The following PUDP variants were observed in gnomAD, a reference collection of about 807,000 sequenced individuals.
The protein encoded by PUDP is pseudouridine 5'-phosphatase.
PUDP carries 8 observed loss-of-function variants against 9.4 expected under a neutral mutation model. The ratio of observed to expected loss-of-function variants is 0.85; its 90% CI spans 0.50 to 1.53. The LOEUF is 1.53. Among genes scored for constraint, PUDP ranks in the 40% most tolerant of loss-of-function variants. The pLI is 0.00. For missense variants in PUDP, 188 were observed against 189.7 expected (o/e 0.99, Z 0.05); for synonymous variants, 99 against 80.7 (o/e 1.23, Z -1.22).
intron 3 of PUDP, among the ~76,000 whole-genome samples, chrX:6,765,237 G>A (rs1377151569): frequency 1.8e-5 from 2 of 111,279 alleles, no homozygotes; most frequent in Admixed American, 9.6e-5. Flanking sequence ...CCAACATCAC[G>A]CCACTACCCT....
intron 1 of PUDP, among the ~76,000 whole-genome samples, chrX:6,983,445 A>T (rs964746638): frequency 9.0e-6 from 1 of 111,664 alleles, no homozygotes; most frequent in African/African-American, 3.3e-5. Flanking sequence ...CATGAAAAAA[A>T]ATCTCAAAAT....
chrX:6,922,135 G>C (rs966973383), intron 3 of PUDP, among the ~76,000 whole-genome samples: 6 of 110,796 alleles, frequency 5.4e-5, no homozygotes, highest in African/African-American at 2.0e-4. Context: ...GGGGCAAGTG[G>C]GGATGGTTAA....
chrX:7,128,388 G>A (rs149813612), intron 1 of PUDP, among the ~76,000 whole-genome samples: 2 of 111,843 alleles, frequency 1.8e-5, no homozygotes, highest in Non-Finnish European at 3.8e-5. Context: ...TAAAAGCTTA[G>A]GGAAAAGAAA....
At chrX:7,057,533 G>A in intron 3 of PUDP, 3 of 735,863 alleles carry the variant, frequency 4.1e-6, no homozygotes, top group Non-Finnish European at 5.7e-6. Flanking sequence ...GGGATGTTAA[G>A]CCTGATGGAG....
intron 3 of PUDP, among the ~76,000 whole-genome samples, chrX:6,889,885 G>A (rs372113860): frequency 5.4e-5 from 6 of 111,340 alleles, no homozygotes; most frequent in Admixed American, 1.9e-4. Flanking sequence ...GGGCTGTGAG[G>A]AAACAGGTAG....
At chrX:6,728,382 A>ACACG (rs1349175879) in intron 3 of PUDP, among the ~76,000 whole-genome samples, 1 of 111,338 alleles carries the variant, frequency 9.0e-6, no homozygotes, top group Non-Finnish European at 1.9e-5. Flanking sequence ...ACACACACAC[A>ACACG]CACGCACACT....
intron 3 of PUDP, among the ~76,000 whole-genome samples, chrX:6,817,534 A>G (rs1451132216): frequency 8.9e-6 from 1 of 112,092 alleles, no homozygotes; most frequent in East Asian, 2.8e-4. Context: ...TGGGTTCTCC[A>G]TTTCAAGAAG....
At chrX:6,854,790 AGGAGGAAGAAAAGG>A (rs1040834081) in intron 3 of PUDP, among the ~76,000 whole-genome samples, 10 of 109,400 alleles carry the variant, frequency 9.1e-5, no homozygotes, top group Non-Finnish European at 1.1e-4. Context: ...GCTGAAGAGG[AGGAGGAAGAAAAGG>A]GGTTAGTCTT....
chrX:6,949,504 A>G (rs1172813264), intron 3 of PUDP, among the ~76,000 whole-genome samples: 1 of 111,933 alleles, frequency 8.9e-6, no homozygotes, highest in African/African-American at 3.3e-5. Context: ...GAGACTATTC[A>G]GCAACCATGT....
chrX:7,022,806 C>T (rs1482259465), intron 1 of PUDP, among the ~76,000 whole-genome samples: 1 of 111,758 alleles, frequency 8.9e-6, no homozygotes, highest in East Asian at 2.8e-4. Context: ...ACTCTCGTAC[C>T]TGAAACAACC....
intron 3 of PUDP, among the ~76,000 whole-genome samples, chrX:6,816,996 A>G (rs1004297008): frequency 1.0e-5 from 1 of 99,195 alleles, no homozygotes; most frequent in African/African-American, 3.7e-5. Flanking sequence ...ACTATATAGT[A>G]TATATAATAT....
rs151076070 is a variant in PUDP at position 7,083,762 on chromosome X, G to A, written c.281-6313C>T. Among the ~76,000 whole-genome samples the A allele has an allele frequency of 4.7e-3, 515 of 110,009 alleles. 1 individual carries two copies. Among genetic ancestry groups the A allele is most frequent in the African/African-American group, 0.015 (442 of 30,127 alleles). ...CTAAAAACACAAAAATTAGCCAGGC[G>A]TGGAGGCACATGCTTGTAATCCCAG... On this transcript the variant is annotated intron_variant, in intron 2 of 3. Coordinates refer to ENST00000381077, the MANE Select transcript of PUDP (RefSeq NM_012080.5).
chrX:6,840,171 T>A (rs1311603848), intron 3 of PUDP, among the ~76,000 whole-genome samples: 1 of 111,431 alleles, frequency 9.0e-6, no homozygotes, highest in Non-Finnish European at 1.9e-5. Context: ...TTACATGAGG[T>A]TTTCCCCTTT....
At chrX:6,824,279 T>C (rs182376192) in intron 3 of PUDP, among the ~76,000 whole-genome samples, 132 of 111,817 alleles carry the variant, frequency 1.2e-3, no homozygotes, top group Middle Eastern at 4.6e-3. Flanking sequence ...TGCTTCCTTT[T>C]CCACCATGAT....
chrX:6,916,473 A>G (rs1211403688), intron 3 of PUDP, among the ~76,000 whole-genome samples: 2 of 109,867 alleles, frequency 1.8e-5, no homozygotes, highest in African/African-American at 6.7e-5. Flanking sequence ...AAGATGTAAT[A>G]AATGAGTAAA....
At chrX:6,877,327 T>C (rs1437547822) in intron 3 of PUDP, among the ~76,000 whole-genome samples, 1 of 111,163 alleles carries the variant, frequency 9.0e-6, no homozygotes, top group Non-Finnish European at 1.9e-5. Flanking sequence ...TATCAATTAT[T>C]CATCCTAACA....
rs775229002 is a variant in PUDP at position 6,791,268 on chromosome X, G to A, written c.*248-84802C>T. ...TACTTGGGAGGCTGGGATGGGAAGC[G>A]TGCTTGAGCCAGGGAGGTTGAGTCT... is the stretch of plus-strand genomic sequence containing the variant. On this transcript the variant is annotated intron_variant and NMD_transcript_variant, in intron 3 of 3. Coordinates refer to the PUDP transcript ENST00000655425. Among the ~76,000 whole-genome samples the A allele has an allele frequency of 1.1e-3, 116 of 104,202 alleles. 2 individuals are homozygous for A. Among genetic ancestry groups the A allele is most frequent in the African/African-American group, 4.1e-3 (115 of 28,301 alleles). The allele number at this position is 104,202 out of a possible 115,157, so 90.5% of individuals were successfully genotyped here. A position where few individuals can be genotyped will look rare whatever the true frequency, so the allele number is the denominator to read the frequency against.
chrX:6,932,605 G>A (rs926751821), intron 3 of PUDP, among the ~76,000 whole-genome samples: 1 of 105,776 alleles, frequency 9.5e-6, no homozygotes, highest in East Asian at 3.1e-4. Context: ...ACTAGGGAGC[G>A]CCAGACAGTG....
In PUDP at chrX:6,949,609, C is replaced by T. The variant is rs771554703; in HGVS notation, c.*247+27524G>A. Among the ~76,000 whole-genome samples the T allele has an allele frequency of 4.4e-5, 5 of 112,593 alleles. 1 individual carries two copies. Among genetic ancestry groups the T allele is most frequent in the Admixed American group, 1.9e-4 (2 of 10,641 alleles). ...AGATAACTCTATTAAATAAAATGTTCTTTCTTTTTCTGTTTATAAATATTG... is the reference window on the plus strand; with the variant it reads ...AGATAACTCTATTAAATAAAATGTTTTTTCTTTTTCTGTTTATAAATATTG... On this transcript the variant is annotated intron_variant and NMD_transcript_variant, in intron 3 of 3. Coordinates refer to the PUDP transcript ENST00000655425.
Sources: allele counts gnomAD v4.1 joint callset (sites outside exome capture counted in the v4.1 genomes callset), GRCh38; gene constraint gnomAD v4.1.1; transcripts MANE v1.5; gene names NCBI Gene and HGNC (gene_info 2026-07-23, HGNC 2026-07-21).